The following CCDC59 variants were observed in gnomAD, a reference collection of about 807,000 sequenced individuals.
CCDC59 encodes coiled-coil domain containing 59.
CCDC59 carries 27 observed loss-of-function variants against 30.5 expected under a neutral mutation model. That is an observed-to-expected ratio of 0.89 (90% confidence interval 0.65 to 1.22). The LOEUF is 1.22. CCDC59 is among the 50% of genes most tolerant of loss of function. The probability of loss-of-function intolerance (pLI) is 0.00; values close to 1 mark genes in which losing one functional copy is unlikely to be tolerated. For synonymous variants in CCDC59, 125 were observed against 100.9 expected, an observed-to-expected ratio of 1.24 and a Z score of -1.43; for missense variants, 362 against 284.4, an observed-to-expected ratio of 1.27 and a Z score of -1.96.
rs760033075 is a variant in CCDC59 at position 82,356,987 on chromosome 12, G to C, written c.437C>G (p.Pro146Arg). 1.2e-6 allele frequency: 2 copies of C among 1,613,146 alleles called. No homozygotes were observed. Among genetic ancestry groups the C allele is most frequent in the South Asian group, 1.1e-5 (1 of 91,056 alleles). Residue 146 changes from proline (P) to arginine (R), a missense_variant, in exon 2 of 4, where the codon CCA (proline) becomes CGA (arginine). Physicochemically the swap from Pro to Arg is moderately radical, Grantham distance 103. Transcript: ENST00000256151. ...EDQCSFDQPQPEEQCIKTVNS... is the reference protein window; with the variant it reads ...EDQCSFDQPQREEQCIKTVNS... ...TACTGTTTTAATACATTGTTCTTCT[G>C]GCTGAGGCTGGTCAAAGCTACACTG...
intron 1 of CCDC59, among the ~76,000 whole-genome samples, chr12:82,357,870 T>C (rs1370191710): frequency 6.6e-6 from 1 of 152,180 alleles, no homozygotes; most frequent in East Asian, 1.9e-4. Flanking sequence ...AAGGAAGAAT[T>C]CGGAGCAGTG....
At chr12:82,358,671 G>A (rs767477039), upstream of CCDC59, 7 of 1,614,084 alleles carry the variant, frequency 4.3e-6, no homozygotes, top group Non-Finnish European at 5.9e-6. Context: ...CATTTCCAAT[G>A]CACATACCGT....
Position 82,353,034 on chromosome 12 carries a change from A to G in CCDC59, c.*117T>C. ...TAATAAAAATATGTGAACATCTTAT[A>G]TTTAGCATAGTTTAGCAATCCAGTT... On this transcript the variant is annotated 3_prime_UTR_variant, in exon 4 of 4. Coordinates refer to ENST00000256151, the MANE Select transcript of CCDC59 (RefSeq NM_014167.5). 1 of 732,302 alleles carries G rather than the reference A, an allele frequency of 1.4e-6. No homozygotes were observed. Among genetic ancestry groups the G allele is most frequent in the Non-Finnish European group, 2.2e-6 (1 of 458,596 alleles). The allele number at this position is 732,302 out of a possible 1,614,324, so 45.4% of individuals were successfully genotyped here.
rs759432434 is a variant in CCDC59, at chr12:82,357,209, C to T, written c.215G>A (p.Arg72Gln). The T allele has an allele frequency of 2.5e-6, 4 of 1,614,014 alleles. No homozygotes were observed. Among genetic ancestry groups the T allele is most frequent in the East Asian group, 2.2e-5 (1 of 44,888 alleles). Reference protein sequence around the residue: ...KIQQSYKKLLRKEKKAQTSLE... With the variant: ...KIQQSYKKLLQKEKKAQTSLE... ...TGACGTTTGAGCCTTCTTTTCCTTC[C>T]GTAGCAATTTCTTGTAACTTTGCTG... Residue 72 changes from arginine (R) to glutamine (Q), a missense_variant, in exon 2 of 4, where the codon CGG becomes CAG. Transcript: ENST00000256151.
chr12:82,357,960 A>C (rs1881173023), intron 1 of CCDC59, among the ~76,000 whole-genome samples: 1 of 152,226 alleles, frequency 6.6e-6, no homozygotes, highest in Non-Finnish European at 1.5e-5. Context: ...CTCTCTGCTC[A>C]GTTTCTCAGG....
chr12:82,358,658 G>A (rs1467815108), upstream of CCDC59: 3 of 1,614,060 alleles, frequency 1.9e-6, no homozygotes, highest in Admixed American at 1.7e-5. Flanking sequence ...GGGATGCCCT[G>A]TCCATTTCCA....
intron 1 of CCDC59, 50 bp downstream of exon 1, chr12:82,358,173 C>T: frequency 6.2e-7 from 1 of 1,609,684 alleles, no homozygotes; most frequent in Non-Finnish European, 8.5e-7. Flanking sequence ...ATCTTATATC[C>T]TAAAACTTAG....
chr12:82,355,495 TCTATA>T (rs1383271354), intron 2 of CCDC59: 1 of 152,228 alleles, frequency 6.6e-6, no homozygotes, highest in African/African-American at 2.4e-5. Context: ...AAAAAAATCT[TCTATA>T]CATCAAATTG....
At position 82,354,559 on chromosome 12, in the gene CCDC59, GTTTTC is replaced by G; in HGVS notation, c.495_499del (p.Lys165AsnfsTer11). 6.3e-7 allele frequency: 1 copy of G among 1,595,108 alleles called. No individual in the cohort carries two copies. Among genetic ancestry groups the G allele is most frequent in the East Asian group, 2.3e-5 (1 of 44,406 alleles). On this transcript the variant is annotated frameshift_variant, in exon 3 of 4. Coordinates refer to ENST00000256151, the MANE Select transcript of CCDC59 (RefSeq NM_014167.5). LOFTEE classifies it high-confidence loss of function. ...TTCTTCTTGTGCTTTTTGATTTGAT[GTTTTC>G]TTTTTATTTTTCTTTGGAATTGTAA...
chr12:82,353,193 T>C lies in CCDC59; in HGVS notation c.684A>G (p.Val228=), dbSNP rs138694550. ...TTTTTTGAAGAAGGTACTCCATTTGTACATTCAAGTTTGGTTGGCCCTTTT... is the reference window on the plus strand; with the variant it reads ...TTTTTTGAAGAAGGTACTCCATTTGCACATTCAAGTTTGGTTGGCCCTTTT... ...KTKKGQPNLN[V]QMEYLLQKIQ... Residue 228 remains valine (V), a synonymous_variant, in exon 4 of 4, where the codon GTA becomes GTG. Transcript: ENST00000256151. 2 of 1,609,618 alleles carry C rather than the reference T, an allele frequency of 1.2e-6. No individual in the cohort carries two copies. Among genetic ancestry groups the C allele is most frequent in the Non-Finnish European group, 8.5e-7 (1 of 1,179,050 alleles).
chr12:82,356,895 T>C, intron 2 of CCDC59, 65 bp downstream of exon 2: 5 of 1,228,962 alleles, frequency 4.1e-6, no homozygotes, highest in Middle Eastern at 5.9e-4. Context: ...CTATATAAAT[T>C]ATCCTATAGT....
chr12:82,358,395 T>C (rs147681606), upstream of CCDC59: 1,699 of 1,612,160 alleles, frequency 1.1e-3, 19 homozygotes, highest in African/African-American at 0.021. Context: ...ACTAACTGCG[T>C]CATCAGAAGA....
At chr12:82,353,456 A>C in intron 3 of CCDC59, 144 bp from the exon 4 acceptor site, 1 of 601,734 alleles carries the variant, frequency 1.7e-6, no homozygotes, top group Non-Finnish European at 2.8e-6. Flanking sequence ...CTCCTAATTG[A>C]AGCAAAGTAC....
chr12:82,358,666 C>G (rs766016822), upstream of CCDC59: 22 of 1,614,038 alleles, frequency 1.4e-5, no homozygotes, highest in Admixed American at 3.5e-4. Context: ...CTGTCCATTT[C>G]CAATGCACAT....
In CCDC59 at chr12:82,356,920, A is replaced by G. The variant is rs745703792; in HGVS notation, c.464+40T>C. 4.8e-6 allele frequency: 7 copies of G among 1,473,358 alleles called. No homozygotes were observed. In the East Asian group the frequency reaches 1.6e-4, roughly 34 times the overall value. The allele number at this position is 1,473,358 out of a possible 1,614,324, so 91.3% of individuals were successfully genotyped here. ...TATCCTATAGTACTTTTAAATAATA[A>G]AACAACACTTAAAGGATTTCAAATG... On this transcript the variant is annotated intron_variant, in intron 2 of 3. Transcript: ENST00000256151.
Position 82,358,150 on chromosome 12 carries a change from C to T in CCDC59, c.154+73G>A, listed in dbSNP as rs552408710. On this transcript the variant is annotated intron_variant, in intron 1 of 3. Coordinates refer to ENST00000256151, the MANE Select transcript of CCDC59 (RefSeq NM_014167.5). ...GGGTCTGGTTCCTAAATCCTTCTTC[C>T]AAGCTTCAGCGAATCTTATATCCTA... The T allele has an allele frequency of 1.1e-5, 18 of 1,568,314 alleles. No homozygotes were observed. The East Asian group carries it at 3.4e-4, about 29-fold the overall frequency.
In CCDC59 at chr12:82,352,995, A is replaced by G. The variant is rs1880873152; in HGVS notation, c.*156T>C. ...TAAGAAACATGTAGAACATATTTAG[A>G]AAATTTTTTACCATAATAAAAATAT... On this transcript the variant is annotated 3_prime_UTR_variant, in exon 4 of 4. Coordinates refer to ENST00000256151, the MANE Select transcript of CCDC59 (RefSeq NM_014167.5). The G allele has an allele frequency of 8.8e-6, 5 of 566,384 alleles. No homozygotes were observed. The highest frequency in any genetic ancestry group is 1.5e-5 in the Non-Finnish European group (5 of 340,818). The allele number at this position is 566,384 out of a possible 1,614,324, so 35.1% of individuals were successfully genotyped here.
At chr12:82,358,581 C>G, upstream of CCDC59, 1 of 1,611,876 alleles carries the variant, frequency 6.2e-7, no homozygotes, top group Non-Finnish European at 8.5e-7. Flanking sequence ...GGCTTCTTGC[C>G]CTCTCCCGGT....
upstream of CCDC59, chr12:82,358,747 C>A (rs1484115128): frequency 1.2e-6 from 2 of 1,614,022 alleles, no homozygotes. Context: ...GTGCTGGCTG[C>A]GCTGAGGAAG....
Sources: allele counts gnomAD v4.1 joint callset (sites outside exome capture counted in the v4.1 genomes callset), GRCh38; gene constraint gnomAD v4.1.1; transcripts MANE v1.5; gene names NCBI Gene and HGNC (gene_info 2026-07-23, HGNC 2026-07-21).